The following PPFIA4 variants were observed in gnomAD, a reference collection of about 807,000 sequenced individuals.
PPFIA4 encodes the protein PPFI scaffold protein A4, also known as liprin-alpha-4.
Under a neutral mutation model 145.7 loss-of-function variants are expected in PPFIA4, and 98 were observed. That is an observed-to-expected ratio of 0.67 (90% CI 0.57 to 0.80). The LOEUF is 0.80. Ranked by LOEUF, PPFIA4 falls within the 30% of genes least tolerant of loss-of-function variation. The pLI is 0.00. For missense variants in PPFIA4, 1,457 were observed against 1,632.7 expected (o/e 0.89, Z 1.85); for synonymous variants, 628 against 649.6 (o/e 0.97, Z 0.51).
At chr1:203,030,882 CAT>C (rs1459562160) in intron 1 of PPFIA4, among the ~76,000 whole-genome samples, 5 of 152,224 alleles carry the variant, frequency 3.3e-5, no homozygotes, top group African/African-American at 9.6e-5. Flanking sequence ...TGTACCCACA[CAT>C]GTGTTCTCAT....
Position 203,056,876 on chromosome 1 carries a change from C to A in PPFIA4, c.2333C>A (p.Ser778Tyr), listed in dbSNP as rs867373627. ...GCCAAGCGCAAGGGCATCAAGTCGT[C>A]CATTGGCCGCCTGTTTGGGAAGAAG... The part of the protein sequence containing the change: ...KGAKRKGIKS[S>Y]IGRLFGKKEK... The change falls in exon 19 of 30, where the codon TCC (serine) becomes TAC (tyrosine). Residue 778 changes from serine (S) to tyrosine (Y), a missense_variant. Ser to Tyr is a moderately radical substitution (Grantham distance 144). This residue lies in a region of PPFIA4 where 848 missense variants were observed against 1,046.7 expected (regional missense o/e 0.81). Coordinates refer to ENST00000295706, the MANE Select transcript of PPFIA4 (RefSeq NM_001304331.2). 1.9e-6 allele frequency: 3 copies of A among 1,613,986 alleles called. No homozygotes were observed. In the African/African-American group the frequency reaches 4.0e-5, roughly 22 times the overall value.
chr1:203,051,076 G>A (rs1276864337), intron 13 of PPFIA4: 1 of 936,988 alleles, frequency 1.1e-6, no homozygotes, highest in African/African-American at 1.8e-5. Flanking sequence ...GTTCCAAGTA[G>A]GAAGGCACAG....
Position 203,076,587 on chromosome 1 carries a change from C to T in PPFIA4, c.*197C>T, listed in dbSNP as rs1662567872. The T allele has an allele frequency of 1.7e-6, 1 of 605,340 alleles. No individual in the cohort carries two copies. Among genetic ancestry groups the T allele is most frequent in the Admixed American group, 3.0e-5 (1 of 33,796 alleles). The allele number at this position is 605,340 out of a possible 1,614,324, so 37.5% of individuals were successfully genotyped here. Reference sequence around the variant, plus strand: ...GTCCCACCGTGTGTCCGTTGTAAGTCCGGTGGATGTGGCTGGGGTTTCCTG... The same window carrying T: ...GTCCCACCGTGTGTCCGTTGTAAGTTCGGTGGATGTGGCTGGGGTTTCCTG... On this transcript the variant is annotated 3_prime_UTR_variant, in exon 30 of 30. Transcript: ENST00000295706.
rs1314952667 is a variant in PPFIA4 at position 203,039,208 on chromosome 1, A to G, written c.200A>G (p.Gln67Arg). Reference sequence around the variant, plus strand: ...CAGGATGCCATACACGAGCGGGACCAGCTCCAGCGCCACCTTAACTCCGCC... The same window carrying G: ...CAGGATGCCATACACGAGCGGGACCGGCTCCAGCGCCACCTTAACTCCGCC... ...RLQDAIHERD[Q>R]LQRHLNSALP... The change falls in exon 2 of 30, where the codon CAG becomes CGG. Residue 67 changes from glutamine to arginine, a missense_variant. Physicochemically the swap from Gln to Arg is conservative, Grantham distance 43. This residue lies in a region of PPFIA4 where 463 missense variants were observed against 459.8 expected (regional missense o/e 1.01). Coordinates refer to ENST00000295706, the MANE Select transcript of PPFIA4 (RefSeq NM_001304331.2). 6.2e-7 allele frequency: 1 copy of G among 1,602,944 alleles called. No homozygotes were observed. The highest frequency in any genetic ancestry group is 8.5e-7 in the Non-Finnish European group (1 of 1,175,584).
intron 14 of PPFIA4, among the ~76,000 whole-genome samples, 168 bp downstream of exon 14, chr1:203,052,045 G>GCCCCCCCC (rs3215063): frequency 9.7e-6 from 1 of 103,030 alleles, no homozygotes; most frequent in African/African-American, 3.8e-5. Context: ...CAACAGCTGT[G>GCCCCCCCC]CCCCCCCCCC....
intron 1 of PPFIA4, among the ~76,000 whole-genome samples, chr1:203,038,191 G>A (rs1659437876): frequency 6.6e-6 from 1 of 152,288 alleles, no homozygotes; most frequent in South Asian, 2.1e-4. Flanking sequence ...CATTTGCCTT[G>A]GTTGGCTTAA....
At chr1:203,047,897 A>G (rs1660194991) in intron 9 of PPFIA4, among the ~76,000 whole-genome samples, 1 of 152,230 alleles carries the variant, frequency 6.6e-6, no homozygotes, top group Admixed American at 6.5e-5. Context: ...CTGGAGGCGT[A>G]GAGGTTTATG....
chr1:203,053,918 A>G lies in PPFIA4; in HGVS notation c.1786A>G (p.Met596Val), dbSNP rs1250340008. Residue 596 changes from methionine to valine, a missense_variant, in exon 15 of 30, where the codon ATG (methionine) becomes GTG (valine). Physicochemically the swap from Met to Val is conservative, Grantham distance 21. Transcript: ENST00000295706. ...CCACTCAGATGCCCAGACCCTGGCC[A>G]TGATGCTGCAGGAGCAGCTGGATGC... ...SGHSDAQTLA[M>V]MLQEQLDAIN... is the part of the protein sequence containing the mutation. The G allele has an allele frequency of 2.6e-6, 4 of 1,567,576 alleles. No individual in the cohort carries two copies. Among genetic ancestry groups the G allele is most frequent in the African/African-American group, 1.4e-5 (1 of 73,788 alleles).
chr1:203,044,038 G>T lies in PPFIA4; in HGVS notation c.444G>T (p.Val148=). 6.2e-7 allele frequency: 1 copy of T among 1,612,232 alleles called. No homozygotes were observed. Among genetic ancestry groups the T allele is most frequent in the Non-Finnish European group, 8.5e-7 (1 of 1,179,610 alleles). ...AQSPSGVSSE[V]EVLKALKSLF... ...CACCTTCGGGGGTCTCCAGTGAGGTGGAGGTGCTGAAGGCCCTCAAGTCAC... is the reference window on the plus strand; with the variant it reads ...CACCTTCGGGGGTCTCCAGTGAGGTTGAGGTGCTGAAGGCCCTCAAGTCAC... Residue 148 remains valine, a synonymous_variant, in exon 4 of 30, where the codon GTG becomes GTT. Transcript: ENST00000295706.
At chr1:203,052,381 G>A (rs996187529) in intron 14 of PPFIA4, among the ~76,000 whole-genome samples, 4 of 152,066 alleles carry the variant, frequency 2.6e-5, no homozygotes, top group African/African-American at 9.7e-5. Flanking sequence ...GGAAAGATAT[G>A]GGGCAGAAAA....
intron 1 of PPFIA4, among the ~76,000 whole-genome samples, chr1:203,028,853 C>T (rs1224332418): frequency 2.0e-5 from 3 of 152,156 alleles, no homozygotes; most frequent in South Asian, 2.1e-4. Context: ...CATCTGTCCC[C>T]CTCTGGCCTG....
intron 24 of PPFIA4, among the ~76,000 whole-genome samples, chr1:203,062,196 G>A (rs952096609): frequency 1.3e-5 from 2 of 151,888 alleles, no homozygotes; most frequent in African/African-American, 4.8e-5. Flanking sequence ...AGACAGTCTC[G>A]GCTGGGCGCG....
chr1:203,033,488 C>G (rs537051097), intron 1 of PPFIA4, among the ~76,000 whole-genome samples: 39 of 152,304 alleles, frequency 2.6e-4, no homozygotes, highest in African/African-American at 7.9e-4. Context: ...GTGCTGATCT[C>G]AGCACTTTGT....
At position 203,060,404 on chromosome 1, in the gene PPFIA4, C is replaced by T; in HGVS notation, c.2771C>T (p.Pro924Leu). ...TCATTGACCAGCCCCTCTGCCCCAC[C>T]CACCTCCAGGACTGTGAGTGGCCCC... ...MVSLTSPSAPPTSRTSSGNVW... is the reference protein window; with the variant it reads ...MVSLTSPSAPLTSRTSSGNVW... Residue 924 changes from proline to leucine, a missense_variant, in exon 22 of 30, where the codon CCC becomes CTC. Physicochemically the swap from Pro to Leu is moderately conservative, Grantham distance 98 (BLOSUM62 -3). Coordinates refer to ENST00000295706, the MANE Select transcript of PPFIA4 (RefSeq NM_001304331.2). The surrounding 1 kb of genome is among the most constrained non-coding windows in gnomAD (Gnocchi z 4.8). The T allele has an allele frequency of 6.2e-7, 1 of 1,613,430 alleles. No individual in the cohort carries two copies. Among genetic ancestry groups the T allele is most frequent in the Middle Eastern group, 1.6e-4 (1 of 6,062 alleles).
In PPFIA4 at chr1:203,043,525, C is replaced by T. The variant is rs765364681; in HGVS notation, c.336+27C>T. ...TAAGTGGGGATGACCTTGTGTCGCG[C>T]GCGCGCACGTGTGTGTGTGTGTGTA... On this transcript the variant is annotated intron_variant, in intron 3 of 29. Coordinates refer to ENST00000295706, the MANE Select transcript of PPFIA4 (RefSeq NM_001304331.2). The surrounding 1 kb of genome is among the most constrained non-coding windows in gnomAD (Gnocchi z 4.4). The T allele has an allele frequency of 3.9e-5, 62 of 1,574,376 alleles. No homozygotes were observed. The highest frequency in any genetic ancestry group is 1.2e-4 in the East Asian group (5 of 43,328).
Position 203,055,385 on chromosome 1 carries a change from G to T in PPFIA4, c.1830-47G>T. On this transcript the variant is annotated intron_variant, in intron 15 of 29. Coordinates refer to ENST00000295706, the MANE Select transcript of PPFIA4 (RefSeq NM_001304331.2). This position sits in a 1 kb window ranked among gnomAD's most constrained non-coding sequence, Gnocchi z 4.8. ...CATCGACCCGCACTGCCTCCTGCTG[G>T]TCCTGGCTGGGGCTAGTGGTGAGGT... The T allele has an allele frequency of 6.2e-7, 1 of 1,608,866 alleles. No homozygotes were observed. Among genetic ancestry groups the T allele is most frequent in the Non-Finnish European group, 8.5e-7 (1 of 1,175,732 alleles).
At position 203,063,506 on chromosome 1, in the gene PPFIA4, A is replaced by G. The variant is rs41304568; in HGVS notation, c.2875-322A>G. 1,956 of 289,836 alleles carry G rather than the reference A, an allele frequency of 6.7e-3. 14 individuals carry two copies. The highest frequency in any genetic ancestry group is 9.0e-3 in the South Asian group (278 of 30,734). 18.0% of individuals were successfully genotyped at this position (289,836 alleles called of 1,614,324 possible). ...GTCAGGAAGGCACGTCTGCTGCACA[A>G]TACCGCAAATGCAACCCAGAGTCAA... On this transcript the variant is annotated intron_variant, in intron 24 of 29. Coordinates refer to ENST00000295706, the MANE Select transcript of PPFIA4 (RefSeq NM_001304331.2).
At chr1:203,070,301 C>T (rs1249829964) in intron 27 of PPFIA4, among the ~76,000 whole-genome samples, 1 of 151,934 alleles carries the variant, frequency 6.6e-6, no homozygotes, top group Admixed American at 6.6e-5. Context: ...TTAAAAATGG[C>T]TCGGTGTGGT....
Position 203,048,400 on chromosome 1 carries a change from C to A in PPFIA4, c.1224+90C>A. 1 of 1,507,920 alleles carries A rather than the reference C, an allele frequency of 6.6e-7. No homozygotes were observed. The highest frequency in any genetic ancestry group is 9.0e-7 in the Non-Finnish European group (1 of 1,105,342). The allele number at this position is 1,507,920 out of a possible 1,614,324, so 93.4% of individuals were successfully genotyped here. Reference sequence around the variant, plus strand: ...TGTGGAAGGGGCACGGAGGAAGGGCCTGGCCAGGGACACAGCCACAGAGAG... The same window carrying A: ...TGTGGAAGGGGCACGGAGGAAGGGCATGGCCAGGGACACAGCCACAGAGAG... On this transcript the variant is annotated intron_variant, in intron 10 of 29. Transcript: ENST00000295706. The surrounding 1 kb of genome is among the most constrained non-coding windows in gnomAD (Gnocchi z 5.8).
Sources: allele counts gnomAD v4.1 joint callset (sites outside exome capture counted in the v4.1 genomes callset), GRCh38; gene constraint gnomAD v4.1.1; regional missense constraint gnomAD v4.1.1; non-coding constraint Gnocchi (gnomAD v3.1); transcripts MANE v1.5; gene names NCBI Gene and HGNC (gene_info 2026-07-23, HGNC 2026-07-21).